Variants in RFX7 observed in about 807,000 individuals in gnomAD.
RFX7 encodes the protein DNA-binding protein RFX7.
Under a neutral mutation model 111.8 loss-of-function variants are expected in RFX7, and 26 were observed. The ratio of observed to expected loss-of-function variants is 0.23; its 90% CI spans 0.17 to 0.32. RFX7 has a LOEUF of 0.32. RFX7 is among the 10% of genes least tolerant of loss of function. The probability of loss-of-function intolerance (pLI) is 1.00; values close to 1 mark genes in which losing one functional copy is unlikely to be tolerated. For synonymous variants in RFX7, 624 were observed against 624.4 expected (o/e 1.00, Z 0.01); for missense variants, 1,573 against 1,772.9 (o/e 0.89, Z 2.02).
At position 56,095,272 on chromosome 15, in the gene RFX7, G is replaced by T; in HGVS notation, c.2456C>A (p.Ser819Tyr). The T allele has an allele frequency of 1.9e-6, 3 of 1,613,922 alleles. No individual in the cohort carries two copies. The highest frequency in any genetic ancestry group is 1.1e-5 in the South Asian group (1 of 91,078). Residue 819 changes from serine to tyrosine, a missense_variant, in exon 10 of 10, where the codon TCT becomes TAT. Ser to Tyr is a moderately radical substitution (Grantham distance 144). Around this residue, in one of 7 missense-constraint regions of RFX7, gnomAD observed 625 missense variants for 632.2 expected, o/e 0.99. Transcript: ENST00000559447. The stretch of plus-strand genomic sequence containing the variant: ...TGGCATTCCTTCTAATTCCCAAACA[G>T]ATTTCTCTAAGTCATTGATATCAGA... The part of the protein sequence containing the change: ...EHSDINDLEK[S>Y]VWELEGMPQD...
intron 3 of RFX7, among the ~76,000 whole-genome samples, chr15:56,145,416 C>A (rs2042455105): frequency 6.6e-6 from 1 of 152,178 alleles, no homozygotes; most frequent in Non-Finnish European, 1.5e-5. Context: ...CAAGCCTATT[C>A]TTAGTCTTAT....
At chr15:56,111,145 T>G (rs2140939353) in intron 5 of RFX7, among the ~76,000 whole-genome samples, 3 of 137,538 alleles carry the variant, frequency 2.2e-5, no homozygotes, top group Admixed American at 1.5e-4. Context: ...GTCTGGGAGG[T>G]TTACCCAACA....
At chr15:56,120,490 T>C (rs2042062637) in intron 5 of RFX7, among the ~76,000 whole-genome samples, 1 of 152,210 alleles carries the variant, frequency 6.6e-6, no homozygotes, top group Non-Finnish European at 1.5e-5. Flanking sequence ...TTTCTTTTTC[T>C]TGTCTGATTG....
At chr15:56,190,577 C>T (rs946995522) in intron 2 of RFX7, among the ~76,000 whole-genome samples, 1 of 152,172 alleles carries the variant, frequency 6.6e-6, no homozygotes, top group Non-Finnish European at 1.5e-5. Flanking sequence ...ATATGAATCA[C>T]AAAAGCATTC....
chr15:56,202,173 G>A (rs1041725069), intron 2 of RFX7, among the ~76,000 whole-genome samples: 12 of 152,058 alleles, frequency 7.9e-5, no homozygotes, highest in Non-Finnish European at 1.3e-4. Flanking sequence ...TCACTTCGCG[G>A]GAGAAGTGCC....
In RFX7 at chr15:56,091,554, G is replaced by GTATC. The variant is rs2041595740; in HGVS notation, c.*1787_*1790dup. 1 of 152,388 alleles carries GTATC rather than the reference G, an allele frequency of 6.6e-6. No homozygotes were observed. The highest frequency in any genetic ancestry group is 2.4e-5 in the African/African-American group (1 of 41,420). The allele number at this position is 152,388 out of a possible 1,614,324, so 9.4% of individuals were successfully genotyped here. ...ATGGCCTCAAAATCTCCTTTTCAGA[G>GTATC]TATCTCATAAAGAAAGGCTCCCATC... On this transcript the variant is annotated 3_prime_UTR_variant, in exon 10 of 10. Transcript: ENST00000559447.
upstream of RFX7, chr15:56,243,964 G>A (rs1432076864): frequency 1.3e-5 from 2 of 150,016 alleles, no homozygotes; most frequent in Non-Finnish European, 3.0e-5. Flanking sequence ...GGGCGCGACG[G>A]GCCGGGATGG....
chr15:56,169,519 A>G (rs2042818974), intron 3 of RFX7, among the ~76,000 whole-genome samples: 1 of 152,164 alleles, frequency 6.6e-6, no homozygotes, highest in Non-Finnish European at 1.5e-5. Flanking sequence ...TACACTAATT[A>G]TCTCATTTAA....
chr15:56,208,150 G>A (rs1285632026), intron 2 of RFX7, among the ~76,000 whole-genome samples: 4 of 152,164 alleles, frequency 2.6e-5, no homozygotes, highest in Non-Finnish European at 5.9e-5. Flanking sequence ...CCTTAGACAA[G>A]GGAAGGAGAA....
At chr15:56,103,129 ATTTTTTT>A (rs11336124) in intron 6 of RFX7, among the ~76,000 whole-genome samples, 1,906 of 94,504 alleles carry the variant, frequency 0.02, 23 homozygotes, top group African/African-American at 0.056. Context: ...GTTCCATAAG[ATTTTTTT>A]TTTTTTTTTT....
At chr15:56,130,245 G>C (rs1210188086) in intron 5 of RFX7, among the ~76,000 whole-genome samples, 4 of 152,078 alleles carry the variant, frequency 2.6e-5, no homozygotes, top group Admixed American at 1.3e-4. Context: ...GTAATATACA[G>C]AGCTACAGAA....
intron 2 of RFX7, among the ~76,000 whole-genome samples, chr15:56,193,948 A>G (rs573168682): frequency 3.3e-5 from 5 of 152,302 alleles, no homozygotes; most frequent in African/African-American, 9.6e-5. Flanking sequence ...TCACAAAAAT[A>G]CCATGTAACA....
intron 3 of RFX7, among the ~76,000 whole-genome samples, chr15:56,174,951 C>T (rs1343891245): frequency 6.6e-6 from 1 of 152,116 alleles, no homozygotes; most frequent in Non-Finnish European, 1.5e-5. Context: ...TTTCTATTAG[C>T]CTATCTCCCA....
chr15:56,190,467 A>T (rs1277666380), intron 2 of RFX7, among the ~76,000 whole-genome samples: 1 of 152,216 alleles, frequency 6.6e-6, no homozygotes, highest in Admixed American at 6.5e-5. Flanking sequence ...CCAACCTGGG[A>T]CAGCTTTGAT....
chr15:56,096,393 G>T lies in RFX7; in HGVS notation c.1335C>A (p.Arg445=). Residue 445 remains arginine, a synonymous_variant, in exon 10 of 10, where the codon CGC becomes CGA. Coordinates refer to ENST00000559447, the MANE Select transcript of RFX7 (RefSeq NM_022841.7). The stretch of plus-strand genomic sequence containing the variant: ...TAGTAAAGAGGACAGTAGTTGGAGA[G>T]CGAATGGTGAGTGCACTGGTGTTCG... The part of the protein sequence containing the change: ...KPANTSALTI[R]SPTTVLFTSS... 6.2e-7 allele frequency: 1 copy of T among 1,613,960 alleles called. No individual in the cohort carries two copies. Among genetic ancestry groups the T allele is most frequent in the Non-Finnish European group, 8.5e-7 (1 of 1,179,870 alleles).
chr15:56,224,467 T>TTGTGTGTG (rs58795247), intron 2 of RFX7, among the ~76,000 whole-genome samples: 2,273 of 147,278 alleles, frequency 0.015, 48 homozygotes, highest in African/African-American at 0.047. Context: ...GATTAGGATT[T>TTGTGTGTG]TGTGTGTGTG....
At chr15:56,158,659 CA>C (rs1474422857) in intron 3 of RFX7, among the ~76,000 whole-genome samples, 1 of 151,840 alleles carries the variant, frequency 6.6e-6, no homozygotes, top group African/African-American at 2.4e-5. Flanking sequence ...CCCTTCTTTA[CA>C]AAAAATACAA....
intron 2 of RFX7, among the ~76,000 whole-genome samples, chr15:56,207,711 A>T (rs2043268542): frequency 6.6e-6 from 1 of 152,212 alleles, no homozygotes; most frequent in African/African-American, 2.4e-5. Context: ...ATTTTTTAAA[A>T]AGAGCTAGGA....
At chr15:56,224,926 C>T (rs1474549723) in intron 2 of RFX7, among the ~76,000 whole-genome samples, 1 of 152,090 alleles carries the variant, frequency 6.6e-6, no homozygotes, top group Admixed American at 6.6e-5. Context: ...GTTTAAACAG[C>T]TAACCAACTG....
Sources: gnomAD v4.1 joint callset for allele counts (sites outside exome capture counted in the v4.1 genomes callset) on GRCh38, gnomAD v4.1.1 for gene constraint, gnomAD v4.1.1 regional missense constraint, MANE v1.5 for transcripts, NCBI Gene and HGNC (gene_info 2026-07-23, HGNC 2026-07-21) for gene names.